USH2A: variants seen among roughly 807,000 people sequenced by gnomAD.
USH2A encodes usherin.
USH2A carries 443 observed loss-of-function variants against 538.9 expected under a neutral mutation model. The ratio of observed to expected loss-of-function variants is 0.82; its 90% CI spans 0.76 to 0.89. The LOEUF is 0.89. Ranked by LOEUF, USH2A falls within the 40% of genes least tolerant of loss-of-function variation. The probability of loss-of-function intolerance (pLI) is 0.00; values close to 1 mark genes in which losing one functional copy is unlikely to be tolerated. For synonymous variants in USH2A, 2,413 were observed against 2,273.5 expected (o/e 1.06, Z -1.75); for missense variants, 6,633 against 6,324.8 (o/e 1.05, Z -1.65).
rs1175651775 is a variant in USH2A at position 215,876,204 on chromosome 1, A to G, written c.8681+1554T>C. Among the ~76,000 whole-genome samples, 7 of 152,156 alleles carry G rather than the reference A, an allele frequency of 4.6e-5. No homozygotes were observed. In the East Asian group the frequency reaches 1.4e-3, roughly 29 times the overall value. On this transcript the variant is annotated intron_variant, in intron 43 of 71. Coordinates refer to ENST00000307340, the MANE Select transcript of USH2A (RefSeq NM_206933.4). ...ATTAAAAGTAGTTGAGAATAGTATA[A>G]TGAGCATTATAATTTAGGATAAGCA... is the stretch of plus-strand genomic sequence containing the variant.
chr1:215,895,283 G>A (rs1410462706), intron 40 of USH2A, among the ~76,000 whole-genome samples: 1 of 152,134 alleles, frequency 6.6e-6, no homozygotes, highest in Non-Finnish European at 1.5e-5. Context: ...CAGACCCTTC[G>A]CCAGACACTG....
chr1:215,807,399 T>C (rs1662534024), intron 49 of USH2A, among the ~76,000 whole-genome samples: 1 of 152,124 alleles, frequency 6.6e-6, no homozygotes, highest in Admixed American at 6.6e-5. Flanking sequence ...CCCTATAAGA[T>C]TCAACTGTTG....
At position 215,774,422 on chromosome 1, in the gene USH2A, TG is replaced by T. The variant is rs376737629; in HGVS notation, c.10939+5420del. Among the ~76,000 whole-genome samples the T allele has an allele frequency of 7.9e-5, 12 of 151,494 alleles. No individual in the cohort carries two copies. The South Asian group carries it at 2.5e-3, about 32-fold the overall frequency. On this transcript the variant is annotated intron_variant, in intron 55 of 71. Coordinates refer to ENST00000307340, the MANE Select transcript of USH2A (RefSeq NM_206933.4). ...CCAAGGAAAGACCCTTTTTCTTTGG[TG>T]GTGTCTAAATAATAGTCTTAATGTT...
chr1:216,066,015 A>G (rs1416445641), intron 30 of USH2A, among the ~76,000 whole-genome samples: 2 of 152,232 alleles, frequency 1.3e-5, no homozygotes, highest in African/African-American at 2.4e-5. Context: ...TAGTAATCAC[A>G]TAAATACAAA....
At chr1:215,846,074 G>C in intron 44 of USH2A, 41 bp from the exon 45 acceptor site, 3 of 1,589,710 alleles carry the variant, frequency 1.9e-6, no homozygotes, top group Non-Finnish European at 2.6e-6. Context: ...TGTAGCTGAG[G>C]CTTTCAGGGG....
chr1:216,235,611 G>A (rs1442948383), intron 13 of USH2A, among the ~76,000 whole-genome samples: 1 of 152,134 alleles, frequency 6.6e-6, no homozygotes, highest in Non-Finnish European at 1.5e-5. Flanking sequence ...CAAGGCAGCT[G>A]GTATTATCTC....
intron 47 of USH2A, among the ~76,000 whole-genome samples, chr1:215,821,137 A>G (rs760982301): frequency 1.2e-4 from 18 of 151,728 alleles, no homozygotes; most frequent in Non-Finnish European, 1.5e-4. Context: ...CAGTAGTTCA[A>G]TTTTTAGTTT....
rs1462869743 is a variant in USH2A at position 216,324,285 on chromosome 1, T to A, written c.1211A>T (p.Glu404Val). ...CCAGTCCTCCCAATCTAAACTATTT[T>A]CCTTCTTCCTTTGAATCCTTATTTC... The part of the protein sequence containing the change: ...PTEIRIQRKK[E>V]NSLDWEDWQY... Residue 404 changes from glutamate (E) to valine (V), a missense_variant, in exon 7 of 72, where the codon GAA (glutamate) becomes GTA (valine). By Grantham distance (121) the Glu-to-Val change is moderately radical (BLOSUM62 -2). Transcript: ENST00000307340. 6.2e-7 allele frequency: 1 copy of A among 1,613,206 alleles called. No homozygotes were observed. The highest frequency in any genetic ancestry group is 8.5e-7 in the Non-Finnish European group (1 of 1,179,584).
At chr1:216,391,019 G>C (rs1164845303) in intron 3 of USH2A, among the ~76,000 whole-genome samples, 1 of 152,136 alleles carries the variant, frequency 6.6e-6, no homozygotes, top group Non-Finnish European at 1.5e-5. Context: ...TGCAATATTA[G>C]GGAAGGTAAA....
At chr1:216,077,464 A>G (rs181229191) in intron 27 of USH2A, among the ~76,000 whole-genome samples, 1 of 151,506 alleles carries the variant, frequency 6.6e-6, no homozygotes, top group East Asian at 1.9e-4. Flanking sequence ...AATTGCATTG[A>G]TATTTTTTAC....
intron 21 of USH2A, among the ~76,000 whole-genome samples, chr1:216,163,646 C>CATT (rs2307950): frequency 0.9 from 136,230 of 151,724 alleles, 61,416 homozygotes; most frequent in East Asian, 0.98. Context: ...ACTTTTATCT[C>CATT]AGTATAATTA....
intron 4 of USH2A, among the ~76,000 whole-genome samples, chr1:216,336,873 A>G (rs2102672716): frequency 6.6e-6 from 1 of 151,670 alleles, no homozygotes; most frequent in Non-Finnish European, 1.5e-5. Context: ...GACAAACAAC[A>G]AAAACACAAT....
intron 11 of USH2A, among the ~76,000 whole-genome samples, chr1:216,278,407 C>A (rs1361585167): frequency 6.6e-6 from 1 of 152,188 alleles, no homozygotes; most frequent in Non-Finnish European, 1.5e-5. Context: ...TTTTTCCCTT[C>A]TTTTCCCATT....
intron 16 of USH2A, chr1:216,201,825 T>C (rs2102471700): frequency 9.4e-6 from 2 of 213,676 alleles, no homozygotes. Context: ...AGAGGTCGCC[T>C]GGTTTTACTT....
chr1:215,778,150 G>A (rs1307121080), intron 55 of USH2A, among the ~76,000 whole-genome samples: 1 of 151,262 alleles, frequency 6.6e-6, no homozygotes, highest in Non-Finnish European at 1.5e-5. Context: ...CGCCCAGGTT[G>A]GAGTGATTCC....
At chr1:215,635,278 T>A (rs1488741139) in intron 69 of USH2A, among the ~76,000 whole-genome samples, 1 of 152,202 alleles carries the variant, frequency 6.6e-6, no homozygotes, top group Non-Finnish European at 1.5e-5. Flanking sequence ...TGTCTTTACA[T>A]GGCCTCTCTG....
chr1:216,202,916 T>C (rs2035030653), intron 16 of USH2A, among the ~76,000 whole-genome samples: 1 of 152,108 alleles, frequency 6.6e-6, no homozygotes. Context: ...ACACCCCAAG[T>C]TTACTCTGCT....
chr1:215,959,650 C>T (rs1172829151), intron 37 of USH2A, among the ~76,000 whole-genome samples: 4 of 152,038 alleles, frequency 2.6e-5, no homozygotes, highest in African/African-American at 4.8e-5. Flanking sequence ...TTTTCATTTA[C>T]CCTCTTTTTT....
intron 44 of USH2A, among the ~76,000 whole-genome samples, chr1:215,856,354 A>T (rs992535395): frequency 6.6e-6 from 1 of 152,108 alleles, no homozygotes; most frequent in Non-Finnish European, 1.5e-5. Context: ...AATACAAACA[A>T]TCAAGTCAAA....
Sources: allele counts gnomAD v4.1 joint callset (sites outside exome capture counted in the v4.1 genomes callset), GRCh38; gene constraint gnomAD v4.1.1; transcripts MANE v1.5; gene names NCBI Gene and HGNC (gene_info 2026-07-23, HGNC 2026-07-21).